AKNA: variants seen among roughly 807,000 people sequenced by gnomAD.
AKNA encodes AT-hook transcription factor, also known as microtubule organization protein AKNA.
AKNA carries 67 observed loss-of-function variants against 138.8 expected under a neutral mutation model. The observed-to-expected ratio is 0.48, with a 90% CI of 0.40 to 0.59. The LOEUF is 0.59. AKNA is among the 20% of genes least tolerant of loss of function. AKNA has a pLI of 0.00. For synonymous variants in AKNA, 737 were observed against 754.4 expected (o/e 0.98, Z 0.38); for missense variants, 1,813 against 1,880.4 (o/e 0.96, Z 0.66).
chr9:114,337,770 A>G (rs1472675759), intron 21 of AKNA, among the ~76,000 whole-genome samples: 2 of 144,990 alleles, frequency 1.4e-5, no homozygotes, highest in African/African-American at 5.1e-5. Context: ...GGAGAAAGGC[A>G]ATAATTAATA....
chr9:114,385,245 TA>T (rs766286310), intron 1 of AKNA, among the ~76,000 whole-genome samples: 128 of 152,296 alleles, frequency 8.4e-4, no homozygotes, highest in African/African-American at 2.6e-3. Context: ...CCAGGGATCT[TA>T]AGCTTCAGTG....
chr9:114,379,847 GATTTTAAAAAA>G (rs1833509328), intron 2 of AKNA, among the ~76,000 whole-genome samples: 1 of 152,102 alleles, frequency 6.6e-6, no homozygotes, highest in Admixed American at 6.5e-5. Flanking sequence ...TGCTAATTGG[GATTTTAAAAAA>G]CCTTAAAAAT....
chr9:114,339,023 G>A (rs983567816), intron 21 of AKNA, among the ~76,000 whole-genome samples: 1 of 152,202 alleles, frequency 6.6e-6, no homozygotes, highest in Non-Finnish European at 1.5e-5. Context: ...ACCGTCTGGT[G>A]TAAGTAACTA....
At chr9:114,331,768 C>T (rs1171792798), downstream of AKNA, 3 of 1,592,728 alleles carry the variant, frequency 1.9e-6, no homozygotes, top group Admixed American at 1.7e-5. Flanking sequence ...CCCAGCCCTC[C>T]CTGGCCTCCC....
intron 21 of AKNA, among the ~76,000 whole-genome samples, chr9:114,338,269 T>C (rs1452452206): frequency 6.6e-6 from 1 of 152,228 alleles, no homozygotes; most frequent in Non-Finnish European, 1.5e-5. Context: ...AAAGGAGCTA[T>C]TCAAATGGAC....
At chr9:114,330,816 C>T, downstream of AKNA, 1 of 1,614,012 alleles carries the variant, frequency 6.2e-7, no homozygotes, top group Non-Finnish European at 8.5e-7. Flanking sequence ...TCTATAACTC[C>T]AGTTACCTGA....
rs369809519 is a variant in AKNA at position 114,359,628 on chromosome 9, C to A, written c.2458G>T (p.Val820Leu). The A allele has an allele frequency of 1.9e-6, 3 of 1,614,188 alleles. No homozygotes were observed. The African/African-American group carries it at 4.0e-5, about 22-fold the overall frequency. ...GCCCCATGACTTTTCTCAGCCTGCA[C>A]CGGGCACTGCCTTGGGAGGACCCTG... is the stretch of plus-strand genomic sequence containing the variant. ...ATRVLPRQCP[V>L]QAEKSHGAPL... The change falls in exon 11 of 22, where the codon GTG (valine) becomes TTG (leucine). Residue 820 changes from valine to leucine, a missense_variant. Physicochemically the swap from Val to Leu is conservative, Grantham distance 32. Coordinates refer to ENST00000374088, the MANE Select transcript of AKNA (RefSeq NM_001317950.2).
intron 18 of AKNA, 199 bp from the exon 19 acceptor site, chr9:114,344,002 CAT>C: frequency 1.9e-6 from 1 of 534,036 alleles, no homozygotes. Context: ...CACATACACA[CAT>C]ATACGTCACC....
rs950435034 is a variant in AKNA, at chr9:114,336,960, G to A, written c.*94C>T. 17 of 1,399,916 alleles carry A rather than the reference G, an allele frequency of 1.2e-5. No individual in the cohort carries two copies. The highest frequency in any genetic ancestry group is 2.6e-5 in the East Asian group (1 of 38,872). 86.7% of individuals were successfully genotyped at this position (1,399,916 alleles called of 1,614,324 possible). A position where few individuals can be genotyped will look rare whatever the true frequency, so the allele number is the denominator to read the frequency against. On this transcript the variant is annotated 3_prime_UTR_variant, in exon 22 of 22. Coordinates refer to ENST00000374088, the MANE Select transcript of AKNA (RefSeq NM_001317950.2). Reference sequence around the variant, plus strand: ...AGACCCTCCTGGTGAGGAACTATGCGGGCCTTCTGGGCCTCAGCAGCTCCA... The same window carrying A: ...AGACCCTCCTGGTGAGGAACTATGCAGGCCTTCTGGGCCTCAGCAGCTCCA...
chr9:114,395,095 A>C (rs955761957), upstream of AKNA, among the ~76,000 whole-genome samples: 4 of 152,230 alleles, frequency 2.6e-5, no homozygotes, highest in African/African-American at 9.6e-5. Context: ...TGGAACAGCA[A>C]GCTGGGGTGC....
At chr9:114,371,343 A>C (rs1832755433) in intron 4 of AKNA, among the ~76,000 whole-genome samples, 1 of 152,256 alleles carries the variant, frequency 6.6e-6, no homozygotes, top group African/African-American at 2.4e-5. Flanking sequence ...CAAGTTATTT[A>C]ACCTCTCTGT....
intron 16 of AKNA, among the ~76,000 whole-genome samples, chr9:114,347,405 A>C (rs910992038): frequency 1.2e-4 from 19 of 152,202 alleles, no homozygotes; most frequent in African/African-American, 4.6e-4. Context: ...TTTTTAGTAG[A>C]GACAGGGTTT....
chr9:114,387,107 G>A (rs1834089492), intron 1 of AKNA, among the ~76,000 whole-genome samples: 1 of 152,150 alleles, frequency 6.6e-6, no homozygotes, highest in Non-Finnish European at 1.5e-5. Context: ...TGTCAGATGT[G>A]TCAGGGAGAT....
chr9:114,395,736 TAAAAAAAAAAAAA>T (rs11297740), upstream of AKNA, among the ~76,000 whole-genome samples: 1 of 108,250 alleles, frequency 9.2e-6, no homozygotes, highest in South Asian at 3.0e-4. Flanking sequence ...CAGCTGTCTT[TAAAAAAAAAAAAA>T]AAAAAAAAAA....
In AKNA at chr9:114,337,065, A is replaced by G; in HGVS notation, c.4309T>C (p.Cys1437Arg). Residue 1437 changes from cysteine (C) to arginine (R), a missense_variant, in exon 22 of 22, where the codon TGC (cysteine) becomes CGC (arginine). Cys to Arg is a radical substitution (Grantham distance 180). Coordinates refer to ENST00000374088, the MANE Select transcript of AKNA (RefSeq NM_001317950.2). Reference sequence around the variant, plus strand: ...GGCCCCCAGTGAAGTCAGAAGAGGCAGGAGCCCCGCAGGCTGTGAGCCTGG... The same window carrying G: ...GGCCCCCAGTGAAGTCAGAAGAGGCGGGAGCCCCGCAGGCTGTGAGCCTGG... ...LRQAHSLRGS[C>R]LF The G allele has an allele frequency of 8.0e-7, 1 of 1,247,526 alleles. No individual in the cohort carries two copies. The highest frequency in any genetic ancestry group is 1.0e-6 in the Non-Finnish European group (1 of 959,206). 77.3% of individuals were successfully genotyped at this position (1,247,526 alleles called of 1,614,324 possible).
rs1410550616 is a variant in AKNA at position 114,367,421 on chromosome 9, C to T, written c.1728+122G>A. On this transcript the variant is annotated intron_variant, in intron 6 of 21. Coordinates refer to ENST00000374088, the MANE Select transcript of AKNA (RefSeq NM_001317950.2). ...TGTTTTGGGGATGGCTGAGTTAACT[C>T]GGTGCAGAGGCAGGGGAATGACAAG... is the stretch of plus-strand genomic sequence containing the variant. 2.0e-5 allele frequency: 25 copies of T among 1,234,308 alleles called. No individual in the cohort carries two copies. In the Admixed American group the frequency reaches 2.6e-4, roughly 13 times the overall value. 76.5% of individuals were successfully genotyped at this position (1,234,308 alleles called of 1,614,324 possible).
intron 6 of AKNA, 134 bp downstream of exon 6, chr9:114,367,409 G>T: frequency 9.1e-7 from 1 of 1,099,824 alleles, no homozygotes; most frequent in Non-Finnish European, 1.3e-6. Context: ...TTTGGGGATG[G>T]CTGAGTTAAC....
Position 114,357,595 on chromosome 9 carries a change from C to T in AKNA, c.2739+326G>A, listed in dbSNP as rs149570604. Among the ~76,000 whole-genome samples, 232 of 152,224 alleles carry T rather than the reference C, an allele frequency of 1.5e-3. 1 individual carries two copies. In the Middle Eastern group the frequency reaches 0.017, roughly 11 times the overall value. On this transcript the variant is annotated intron_variant, in intron 12 of 21. Coordinates refer to ENST00000374088, the MANE Select transcript of AKNA (RefSeq NM_001317950.2). ...CATTATTCTATGACAGTCACATTTCCATAGTGGCCTGTGACTTTGCAGCAG... is the reference window on the plus strand; with the variant it reads ...CATTATTCTATGACAGTCACATTTCTATAGTGGCCTGTGACTTTGCAGCAG...
chr9:114,349,493 C>G (rs1043622642), intron 15 of AKNA, among the ~76,000 whole-genome samples: 2 of 152,178 alleles, frequency 1.3e-5, no homozygotes, highest in African/African-American at 4.8e-5. Flanking sequence ...GGGGCCCTCC[C>G]CGAGAACCCA....
Sources: allele counts gnomAD v4.1 joint callset (sites outside exome capture counted in the v4.1 genomes callset), GRCh38; gene constraint gnomAD v4.1.1; transcripts MANE v1.5; gene names NCBI Gene and HGNC (gene_info 2026-07-23, HGNC 2026-07-21).